The following ZNF277 variants were observed in gnomAD, a reference collection of about 807,000 sequenced individuals.
ZNF277 encodes nuclear receptor-interacting factor 4.
A neutral mutation model predicts 60.7 loss-of-function variants in ZNF277; 55 were observed. The observed-to-expected ratio is 0.91, with a 90% CI of 0.73 to 1.13. ZNF277 has a LOEUF of 1.13. Among genes scored for constraint, ZNF277 ranks in the 50% most tolerant of loss-of-function variants. The pLI is 0.00. For synonymous variants in ZNF277, 178 were observed against 179.3 expected, an observed-to-expected ratio of 0.99 and a Z score of 0.06; for missense variants, 510 against 523.0, an observed-to-expected ratio of 0.98 and a Z score of 0.24.
intron 1 of ZNF277, among the ~76,000 whole-genome samples, chr7:112,245,308 G>A (rs1791059291): frequency 6.6e-6 from 1 of 152,156 alleles, no homozygotes; most frequent in Admixed American, 6.5e-5. Flanking sequence ...GGGCAACTGG[G>A]TAAAGGTGAC....
chr7:112,253,764 C>T (rs1317572844), intron 1 of ZNF277, among the ~76,000 whole-genome samples: 1 of 152,178 alleles, frequency 6.6e-6, no homozygotes, highest in African/African-American at 2.4e-5. Flanking sequence ...GATTATGCAT[C>T]TTCTAAAGAT....
In ZNF277 at chr7:112,206,696, C is replaced by CCTTTT. The variant is rs1451102165; in HGVS notation, c.-13_-9dup. ...GCCTCCGACCCGCCCTGCGGCCCTC[C>CCTTTT]CTTTTCTTTTCTGCCGGGTAATGGC... On this transcript the variant is annotated 5_prime_UTR_variant, in exon 1 of 12. Transcript: ENST00000361822. 6.2e-7 allele frequency: 1 copy of CCTTTT among 1,611,634 alleles called. No homozygotes were observed. The highest frequency in any genetic ancestry group is 2.2e-5 in the East Asian group (1 of 44,794).
chr7:112,311,692 G>A (rs1792736648), intron 4 of ZNF277, among the ~76,000 whole-genome samples: 2 of 150,286 alleles, frequency 1.3e-5, no homozygotes, highest in South Asian at 4.2e-4. Context: ...TAAGCTTTAT[G>A]AAGGAAAGAA....
chr7:112,223,769 G>T (rs1439402440), intron 1 of ZNF277, among the ~76,000 whole-genome samples: 3 of 152,182 alleles, frequency 2.0e-5, no homozygotes, highest in Non-Finnish European at 2.9e-5. Flanking sequence ...TGCCGACCCA[G>T]AATTCTCTGG....
chr7:112,294,327 TG>T (rs1792277206), intron 2 of ZNF277, among the ~76,000 whole-genome samples: 1 of 152,204 alleles, frequency 6.6e-6, no homozygotes, highest in Non-Finnish European at 1.5e-5. Context: ...CCCAGCCTTT[TG>T]TAGGTACTTT....
intron 4 of ZNF277, among the ~76,000 whole-genome samples, chr7:112,296,904 ATTTATTTATTTTTTTTTTTTTTTT>A (rs1792355188): frequency 1.2e-4 from 4 of 32,866 alleles, no homozygotes; most frequent in Non-Finnish European, 2.2e-4. Context: ...TTATTTATTT[ATTTATTTATTTTTTTTTTTTTTTT>A]TTTTTTTTTT....
chr7:112,242,575 A>AGT (rs1563201887), intron 1 of ZNF277, among the ~76,000 whole-genome samples: 1 of 133,286 alleles, frequency 7.5e-6, no homozygotes, highest in African/African-American at 2.9e-5. Context: ...AAAAAAAAAC[A>AGT]AAATAAAATA....
intron 1 of ZNF277, among the ~76,000 whole-genome samples, chr7:112,237,998 A>G (rs1280097134): frequency 1.3e-5 from 2 of 152,226 alleles, no homozygotes; most frequent in African/African-American, 4.8e-5. Flanking sequence ...GAGGAGGCTG[A>G]GGAAGATGGA....
intron 1 of ZNF277, among the ~76,000 whole-genome samples, chr7:112,281,152 G>A (rs1326970957): frequency 6.6e-6 from 1 of 152,156 alleles, no homozygotes; most frequent in East Asian, 1.9e-4. Context: ...ACTGTTATAT[G>A]ATCAGGATAT....
At chr7:112,319,743 G>A (rs986184148) in intron 5 of ZNF277, among the ~76,000 whole-genome samples, 10 of 150,440 alleles carry the variant, frequency 6.6e-5, no homozygotes, top group Non-Finnish European at 1.5e-4. Flanking sequence ...AGGCATTAAT[G>A]TTCAAAACAC....
At chr7:112,246,481 A>G (rs1473374728) in intron 1 of ZNF277, among the ~76,000 whole-genome samples, 2 of 152,210 alleles carry the variant, frequency 1.3e-5, no homozygotes, top group East Asian at 3.8e-4. Context: ...TTGATATTAT[A>G]ACTGAGTACT....
chr7:112,217,565 C>A (rs1006957669), intron 1 of ZNF277, among the ~76,000 whole-genome samples: 1 of 152,134 alleles, frequency 6.6e-6, no homozygotes, highest in Non-Finnish European at 1.5e-5. Flanking sequence ...TCCAAGCTGC[C>A]GGTGTTCATT....
At chr7:112,286,852 T>TTTTTTTTTTGTTTTTTTTG in intron 1 of ZNF277, 21 bp from the exon 2 acceptor site, 1 of 1,375,924 alleles carries the variant, frequency 7.3e-7, no homozygotes, top group Non-Finnish European at 9.4e-7. Context: ...TTTTTTTTTT[T>TTTTTTTTTTGTTTTTTTTG]TTTTTTTTGG....
At chr7:112,232,042 CATATATATATATATATATAT>C (rs67934905) in intron 1 of ZNF277, among the ~76,000 whole-genome samples, 58,331 of 133,248 alleles carry the variant, frequency 0.44, 14,324 homozygotes, top group East Asian at 0.58. Context: ...TAAATAAATA[CATATATATATATATATATAT>C]ATATATATAT....
At chr7:112,292,432 G>T (rs958925716) in intron 2 of ZNF277, among the ~76,000 whole-genome samples, 5 of 152,140 alleles carry the variant, frequency 3.3e-5, no homozygotes, top group African/African-American at 7.2e-5. Context: ...TTCGGAAGGG[G>T]AAAACATTCT....
chr7:112,342,358 A>G (rs1015524950), intron 11 of ZNF277, among the ~76,000 whole-genome samples: 2 of 152,168 alleles, frequency 1.3e-5, no homozygotes, highest in African/African-American at 4.8e-5. Context: ...CCAAATCTGG[A>G]TAGTAGATTT....
intron 4 of ZNF277, among the ~76,000 whole-genome samples, chr7:112,308,080 A>G (rs2117095806): frequency 6.6e-6 from 1 of 152,050 alleles, no homozygotes; most frequent in South Asian, 2.1e-4. Flanking sequence ...CTTCATATCC[A>G]TTTTGCCAGA....
At chr7:112,269,441 G>T (rs866915296) in intron 1 of ZNF277, among the ~76,000 whole-genome samples, 5 of 151,810 alleles carry the variant, frequency 3.3e-5, no homozygotes, top group Admixed American at 6.6e-5. Context: ...AGCATGTTTT[G>T]GTAAACCAAA....
intron 1 of ZNF277, among the ~76,000 whole-genome samples, chr7:112,223,920 C>T (rs1460527977): frequency 6.6e-6 from 1 of 152,170 alleles, no homozygotes; most frequent in Non-Finnish European, 1.5e-5. Flanking sequence ...ATAGCTGACT[C>T]CTGTAAGGAA....
Sources: gnomAD v4.1 joint callset for allele counts (sites outside exome capture counted in the v4.1 genomes callset) on GRCh38, gnomAD v4.1.1 for gene constraint, MANE v1.5 for transcripts, NCBI Gene and HGNC (gene_info 2026-07-23, HGNC 2026-07-21) for gene names.